The following KCNQ2 variants were observed in gnomAD, a reference collection of about 807,000 sequenced individuals.
The protein encoded by KCNQ2 is potassium voltage-gated channel subfamily KQT member 2.
In KCNQ2, 14 loss-of-function variants were observed where a neutral mutation model predicts 84.8. The ratio of observed to expected loss-of-function variants is 0.17; its 90% confidence interval spans 0.11 to 0.26. KCNQ2 has a LOEUF of 0.26. KCNQ2 is among the 10% of genes least tolerant of loss of function. The probability of loss-of-function intolerance (pLI) is 1.00; values close to 1 mark genes in which losing one functional copy is unlikely to be tolerated. For missense variants in KCNQ2, 788 were observed against 1,254.0 expected, an observed-to-expected ratio of 0.63 and a Z score of 5.61; for synonymous variants, 599 against 554.1, an observed-to-expected ratio of 1.08 and a Z score of -1.14.
rs1279197482 is a variant in KCNQ2 at position 63,446,232 on chromosome 20, G to A, written c.387+515C>T. 3.9e-6 allele frequency: 1 copy of A among 256,890 alleles called. No homozygotes were observed. 15.9% of individuals were successfully genotyped at this position (256,890 alleles called of 1,614,324 possible). On this transcript the variant is annotated intron_variant, in intron 2 of 16. Coordinates refer to ENST00000359125, the MANE Select transcript of KCNQ2 (RefSeq NM_172107.4). This position sits in a 1 kb window ranked among gnomAD's most constrained non-coding sequence, Gnocchi z 5.5. ...TGGGAAGCCCCAGAACAGAGGAGCA[G>A]GGCGGGCAGTAGAGGGAGGTGCATT...
chr20:63,430,284 C>T (rs1315769534), intron 9 of KCNQ2, among the ~76,000 whole-genome samples: 2 of 152,116 alleles, frequency 1.3e-5, no homozygotes, highest in Admixed American at 1.3e-4. Flanking sequence ...CCGGCTTCAG[C>T]GCCAGCCTCC....
rs2079856953 is a variant in KCNQ2 at position 63,403,728 on chromosome 20, CAT to C, written c.*2914_*2915del. 1 of 152,328 alleles carries C rather than the reference CAT, an allele frequency of 6.6e-6. No individual in the cohort carries two copies. The highest frequency in any genetic ancestry group is 2.1e-4 in the South Asian group (1 of 4,844). 9.4% of individuals were successfully genotyped at this position (152,328 alleles called of 1,614,324 possible). ...GTCTGTGTGCATGTGTGCAAGCGTG[CAT>C]GTGTACGCCTGTATGCGGACATGTA... is the stretch of plus-strand genomic sequence containing the variant. On this transcript the variant is annotated 3_prime_UTR_variant, in exon 17 of 17. Coordinates refer to ENST00000359125, the MANE Select transcript of KCNQ2 (RefSeq NM_172107.4).
At chr20:63,430,579 A>G (rs970983274) in intron 9 of KCNQ2, among the ~76,000 whole-genome samples, 1 of 152,208 alleles carries the variant, frequency 6.6e-6, no homozygotes, top group Non-Finnish European at 1.5e-5. Flanking sequence ...GTGTCATCAC[A>G]GAGCACAAGC....
chr20:63,409,456 G>C (rs1012988660), intron 15 of KCNQ2, among the ~76,000 whole-genome samples: 1 of 152,254 alleles, frequency 6.6e-6, no homozygotes, highest in African/African-American at 2.4e-5. Flanking sequence ...TATCCACAGA[G>C]TCACGGCCAC....
At chr20:63,452,668 G>T (rs1201059563) in intron 1 of KCNQ2, among the ~76,000 whole-genome samples, 2 of 152,234 alleles carry the variant, frequency 1.3e-5, no homozygotes, top group Non-Finnish European at 2.9e-5. Flanking sequence ...CTGATTCAGC[G>T]GTGCAGGCAC....
intron 4 of KCNQ2, among the ~76,000 whole-genome samples, chr20:63,443,239 C>CCACCATCACAT (rs1174443625): frequency 2.0e-5 from 2 of 100,822 alleles, no homozygotes; most frequent in African/African-American, 4.0e-5. Flanking sequence ...ATCACCATCA[C>CCACCATCACAT]CACCATCACA....
intron 9 of KCNQ2, among the ~76,000 whole-genome samples, chr20:63,429,275 C>T (rs1402201276): frequency 2.6e-5 from 4 of 151,868 alleles, no homozygotes; most frequent in Non-Finnish European, 4.4e-5. Flanking sequence ...CTCCCCCACC[C>T]GGCTCCCTGA....
In KCNQ2 at chr20:63,415,030, T is replaced by G. The variant is rs1381205197; in HGVS notation, c.1398A>C (p.Ser466=). The G allele has an allele frequency of 6.2e-7, 1 of 1,609,680 alleles. No homozygotes were observed. Among genetic ancestry groups the G allele is most frequent in the Admixed American group, 1.7e-5 (1 of 60,008 alleles). Residue 466 remains serine (S), a synonymous_variant, in exon 13 of 17, where the codon TCA becomes TCC. Transcript: ENST00000359125. Reference sequence around the variant, plus strand: ...CCTCGAGGCTCTGGTCGGCGCTGGGTGACCGCCTCACAGTCTGGGCCTGCG... The same window carrying G: ...CCTCGAGGCTCTGGTCGGCGCTGGGGGACCGCCTCACAGTCTGGGCCTGCG... ...GSPQAQTVRR[S]PSADQSLEDS... is the part of the protein sequence containing the mutation.
chr20:63,436,269 C>T (rs980444245), intron 7 of KCNQ2, among the ~76,000 whole-genome samples: 5 of 152,214 alleles, frequency 3.3e-5, no homozygotes, highest in African/African-American at 7.2e-5. Flanking sequence ...CAGTGGCTCA[C>T]GCCTGTAATC....
chr20:63,421,648 G>A (rs1028978057), intron 11 of KCNQ2, among the ~76,000 whole-genome samples: 2 of 152,138 alleles, frequency 1.3e-5, no homozygotes, highest in African/African-American at 4.8e-5. Context: ...AAAACACGCG[G>A]ACACGTGTGC....
chr20:63,409,358 TCTC>T (rs2080044588), intron 15 of KCNQ2, among the ~76,000 whole-genome samples: 1 of 152,184 alleles, frequency 6.6e-6, no homozygotes, highest in Non-Finnish European at 1.5e-5. Flanking sequence ...GCTGAGCTGA[TCTC>T]CAATGAGGCC....
intron 7 of KCNQ2, 35 bp from the exon 8 acceptor site, chr20:63,433,938 C>G (rs1234546085): frequency 6.2e-7 from 1 of 1,601,774 alleles, no homozygotes; most frequent in African/African-American, 1.3e-5. Context: ...TGGCGAGGGG[C>G]AGGCGGCGAG....
chr20:63,452,920 GT>G (rs1352779920), intron 1 of KCNQ2, among the ~76,000 whole-genome samples: 1 of 151,788 alleles, frequency 6.6e-6, no homozygotes, highest in Non-Finnish European at 1.5e-5. Context: ...AGGGGCAGGG[GT>G]TGGGGCGGGG....
At position 63,436,388 on chromosome 20, in the gene KCNQ2, A is replaced by G. The variant is rs578165029; in HGVS notation, c.1023+2237T>C. Among the ~76,000 whole-genome samples, 18 of 152,230 alleles carry G rather than the reference A, an allele frequency of 1.2e-4. No homozygotes were observed. The East Asian group carries it at 1.9e-3, about 16-fold the overall frequency. On this transcript the variant is annotated intron_variant, in intron 7 of 16. Coordinates refer to ENST00000359125, the MANE Select transcript of KCNQ2 (RefSeq NM_172107.4). ...CTACTAAAAATACAAAAAATTAGCC[A>G]GGCGTGGTGGTGGGTGCCTGTAGTC...
At chr20:63,442,645 AACC>A (rs2081200953) in intron 4 of KCNQ2, 114 bp from the exon 5 acceptor site, 1 of 550,060 alleles carries the variant, frequency 1.8e-6, no homozygotes, top group South Asian at 1.9e-5. Flanking sequence ...CCACCACCAA[AACC>A]ATCACCACCA....
At chr20:63,412,864 A>G (rs1260356331) in intron 15 of KCNQ2, among the ~76,000 whole-genome samples, 1 of 152,216 alleles carries the variant, frequency 6.6e-6, no homozygotes. Flanking sequence ...ACTCGTGTGT[A>G]TATCCTTGTT....
intron 11 of KCNQ2, among the ~76,000 whole-genome samples, chr20:63,420,271 G>A (rs1388838246): frequency 1.3e-5 from 2 of 152,256 alleles, no homozygotes; most frequent in African/African-American, 4.8e-5. Context: ...CCCTCATTGT[G>A]AAGCCCTTCA....
chr20:63,437,852 C>A (rs1005463388), intron 7 of KCNQ2, among the ~76,000 whole-genome samples: 2 of 152,206 alleles, frequency 1.3e-5, no homozygotes, highest in Non-Finnish European at 2.9e-5. Flanking sequence ...CTCTGTCACC[C>A]AGGCTGGAGT....
In KCNQ2 at chr20:63,407,093, G is replaced by A. The variant is rs2079967433; in HGVS notation, c.2170C>T (p.Pro724Ser). 5 of 1,536,564 alleles carry A rather than the reference G, an allele frequency of 3.3e-6. No individual in the cohort carries two copies. The highest frequency in any genetic ancestry group is 1.9e-5 in the Admixed American group (1 of 51,342). The part of the protein sequence containing the change: ...PSTSWQPQSH[P>S]RQGHGTSPVG... The stretch of plus-strand genomic sequence containing the variant: ...GGGGAGGTGCCGTGGCCCTGGCGCG[G>A]GTGGCTCTGTGGCTGCCAGGAGGTG... Residue 724 changes from proline (P) to serine (S), a missense_variant, in exon 17 of 17, where the codon CCG (proline) becomes TCG (serine). Physicochemically the swap from Pro to Ser is moderately conservative, Grantham distance 74. Coordinates refer to ENST00000359125, the MANE Select transcript of KCNQ2 (RefSeq NM_172107.4). The surrounding 1 kb of genome is among the most constrained non-coding windows in gnomAD (Gnocchi z 7.2).
Sources: allele counts gnomAD v4.1 joint callset (sites outside exome capture counted in the v4.1 genomes callset), GRCh38; gene constraint gnomAD v4.1.1; non-coding constraint Gnocchi (gnomAD v3.1); transcripts MANE v1.5; gene names NCBI Gene and HGNC (gene_info 2026-07-23, HGNC 2026-07-21).